ITGA9: variants seen among roughly 807,000 people sequenced by gnomAD.
ITGA9 encodes integrin subunit alpha 9, also known as integrin alpha-9.
A neutral mutation model predicts 127.8 loss-of-function variants in ITGA9; 56 were observed. The ratio of observed to expected loss-of-function variants is 0.44; its 90% CI spans 0.35 to 0.55. The LOEUF (loss-of-function observed/expected upper bound fraction) is 0.55, where lower values mean the gene tolerates loss of function less well. Ranked by LOEUF, ITGA9 falls within the 20% of genes least tolerant of loss-of-function variation. The pLI is 0.00. For missense variants in ITGA9, 1,196 were observed against 1,347.1 expected (o/e 0.89, Z 1.76); for synonymous variants, 508 against 514.5 (o/e 0.99, Z 0.17).
chr3:37,821,083 A>G lies in ITGA9; in HGVS notation c.*2094A>G, dbSNP rs889830555. ...TCTGCTGCAGGGAGATTACAGATGT[A>G]ACCTCATGCTTCTCTTCCTGGTGAA... On this transcript the variant is annotated 3_prime_UTR_variant, in exon 28 of 28. Coordinates refer to ENST00000264741, the MANE Select transcript of ITGA9 (RefSeq NM_002207.3). 1 of 152,182 alleles carries G rather than the reference A, an allele frequency of 6.6e-6. No homozygotes were observed. Among genetic ancestry groups the G allele is most frequent in the Non-Finnish European group, 1.5e-5 (1 of 68,032 alleles). 9.4% of individuals were successfully genotyped at this position (152,182 alleles called of 1,614,324 possible).
intron 15 of ITGA9, among the ~76,000 whole-genome samples, chr3:37,562,046 G>T (rs1012144990): frequency 2.0e-5 from 3 of 152,204 alleles, no homozygotes; most frequent in African/African-American, 7.2e-5. Flanking sequence ...TCTGCTTACA[G>T]CTGTTGTGCT....
chr3:37,467,358 C>A (rs943033919), intron 1 of ITGA9, among the ~76,000 whole-genome samples: 3 of 152,284 alleles, frequency 2.0e-5, no homozygotes, highest in Middle Eastern at 3.4e-3. Context: ...GTACCTTGGG[C>A]TTGGAAGGAA....
At position 37,704,965 on chromosome 3, in the gene ITGA9, G is replaced by C. The variant is rs72859051; in HGVS notation, c.2067+20950G>C. Among the ~76,000 whole-genome samples the C allele has an allele frequency of 6.9e-3, 1,056 of 152,302 alleles. 15 individuals are homozygous for C. The highest frequency in any genetic ancestry group is 0.024 in the African/African-American group (986 of 41,564). ...CTGAATGAATAACAGGAAGCCCCTT[G>C]TTTGCATGGTTCAGAACTAGGCATT... On this transcript the variant is annotated intron_variant, in intron 18 of 27. Coordinates refer to ENST00000264741, the MANE Select transcript of ITGA9 (RefSeq NM_002207.3).
At chr3:37,753,010 C>A (rs1028227749) in intron 23 of ITGA9, among the ~76,000 whole-genome samples, 1 of 152,162 alleles carries the variant, frequency 6.6e-6, no homozygotes, top group African/African-American at 2.4e-5. Context: ...GAAAGACTAT[C>A]AATTTTCACT....
intron 4 of ITGA9, among the ~76,000 whole-genome samples, chr3:37,493,321 T>C (rs1698691688): frequency 6.6e-6 from 1 of 152,194 alleles, no homozygotes; most frequent in South Asian, 2.1e-4. Flanking sequence ...GTATTTTGCA[T>C]TTCAAAAATA....
At chr3:37,554,030 G>A (rs571610763) in intron 15 of ITGA9, among the ~76,000 whole-genome samples, 12 of 152,214 alleles carry the variant, frequency 7.9e-5, no homozygotes, top group Admixed American at 2.0e-4. Flanking sequence ...CTATTATGCC[G>A]TAGGCTGGGG....
At chr3:37,529,692 C>T (rs1165629997) in intron 13 of ITGA9, among the ~76,000 whole-genome samples, 1 of 152,216 alleles carries the variant, frequency 6.6e-6, no homozygotes, top group Non-Finnish European at 1.5e-5. Flanking sequence ...GCTTCACCCT[C>T]ATCTATGTGA....
At chr3:37,816,750 T>G (rs998042860) in intron 27 of ITGA9, among the ~76,000 whole-genome samples, 1 of 152,192 alleles carries the variant, frequency 6.6e-6, no homozygotes, top group Non-Finnish European at 1.5e-5. Context: ...TGTGGTCTTA[T>G]GCTGGGAAGA....
At chr3:37,582,259 A>C (rs143479644) in intron 15 of ITGA9, among the ~76,000 whole-genome samples, 17 of 152,348 alleles carry the variant, frequency 1.1e-4, no homozygotes, top group Admixed American at 1.1e-3. Context: ...AGGAGGCCAG[A>C]ATTTATAGAA....
At chr3:37,620,474 C>A (rs1037741994) in intron 15 of ITGA9, among the ~76,000 whole-genome samples, 1 of 152,152 alleles carries the variant, frequency 6.6e-6, no homozygotes, top group African/African-American at 2.4e-5. Context: ...CTCCAAGGTG[C>A]TTGACATCCA....
chr3:37,538,268 G>A (rs1051786276), intron 14 of ITGA9, among the ~76,000 whole-genome samples: 2 of 152,226 alleles, frequency 1.3e-5, no homozygotes, highest in Non-Finnish European at 2.9e-5. Flanking sequence ...ATCAAAACTT[G>A]CTGGGAGAGA....
At chr3:37,606,574 C>A (rs575745688) in intron 15 of ITGA9, among the ~76,000 whole-genome samples, 3 of 152,222 alleles carry the variant, frequency 2.0e-5, no homozygotes, top group African/African-American at 4.8e-5. Context: ...ACTCCCCTAA[C>A]GTCCATGAAG....
intron 11 of ITGA9, among the ~76,000 whole-genome samples, chr3:37,520,397 CA>C (rs777897744): frequency 1.2e-4 from 19 of 152,164 alleles, no homozygotes; most frequent in Non-Finnish European, 2.6e-4. Flanking sequence ...TATTATCCAC[CA>C]TTTATTTATC....
chr3:37,503,765 G>C (rs1043270481), intron 6 of ITGA9, among the ~76,000 whole-genome samples: 8 of 152,138 alleles, frequency 5.3e-5, no homozygotes, highest in Non-Finnish European at 4.4e-5. Context: ...TTAATTAAAG[G>C]CTCAGAAAAA....
intron 18 of ITGA9, among the ~76,000 whole-genome samples, chr3:37,701,472 G>T (rs1044906900): frequency 1.3e-5 from 2 of 152,202 alleles, no homozygotes; most frequent in Admixed American, 1.3e-4. Context: ...TCCCACTGGG[G>T]AACCCTGGGT....
At chr3:37,712,884 G>A (rs866486244) in intron 18 of ITGA9, among the ~76,000 whole-genome samples, 1 of 152,122 alleles carries the variant, frequency 6.6e-6, no homozygotes, top group Admixed American at 6.5e-5. Flanking sequence ...GATGTGGGTG[G>A]CAAGAAACAT....
rs759224279 is a variant in ITGA9 at position 37,740,990 on chromosome 3, A to G, written c.2235-740A>G. Among the ~76,000 whole-genome samples, 3 of 152,262 alleles carry G rather than the reference A, an allele frequency of 2.0e-5. No individual in the cohort carries two copies. In the Middle Eastern group the frequency reaches 0.01, roughly 518 times the overall value. On this transcript the variant is annotated intron_variant, in intron 20 of 27. Transcript: ENST00000264741. Reference sequence around the variant, plus strand: ...GCCTCTTTCCTGGGCTTGGCTGTCCATGGATGATGGGTGGTCCTTTCAGGT... The same window carrying G: ...GCCTCTTTCCTGGGCTTGGCTGTCCGTGGATGATGGGTGGTCCTTTCAGGT...
Position 37,522,628 on chromosome 3 carries a change from C to T in ITGA9, c.1237-893C>T, listed in dbSNP as rs540171271. Among the ~76,000 whole-genome samples, 16 of 151,588 alleles carry T rather than the reference C, an allele frequency of 1.1e-4. No homozygotes were observed. The South Asian group carries it at 2.3e-3, about 22-fold the overall frequency. On this transcript the variant is annotated intron_variant, in intron 11 of 27. Coordinates refer to ENST00000264741, the MANE Select transcript of ITGA9 (RefSeq NM_002207.3). ...GTCCCAGCTACTTGGGAGGCTAAGG[C>T]GGGAGGATCACTTAAGCCCAGGAGT... is the stretch of plus-strand genomic sequence containing the variant.
intron 15 of ITGA9, among the ~76,000 whole-genome samples, chr3:37,606,970 CTTTTTTTT>C (rs11306321): frequency 3.9e-5 from 4 of 103,778 alleles, no homozygotes; most frequent in African/African-American, 1.5e-4. Context: ...CTCATGGCTC[CTTTTTTTT>C]TTTTTTTTTT....
Sources: gnomAD v4.1 joint callset for allele counts (sites outside exome capture counted in the v4.1 genomes callset) on GRCh38, gnomAD v4.1.1 for gene constraint, MANE v1.5 for transcripts, NCBI Gene and HGNC (gene_info 2026-07-23, HGNC 2026-07-21) for gene names.